The following RELL1 variants were observed in gnomAD, a reference collection of about 807,000 sequenced individuals.
RELL1 encodes the protein RELT like 1.
RELL1 carries 10 observed loss-of-function variants against 23.0 expected under a neutral mutation model. The observed-to-expected ratio is 0.43, with a 90% CI of 0.27 to 0.74. The LOEUF (loss-of-function observed/expected upper bound fraction) is 0.74, where lower values mean the gene tolerates loss of function less well. Ranked by LOEUF, RELL1 falls within the 30% of genes least tolerant of loss-of-function variation. The pLI is 0.19. For synonymous variants in RELL1, 146 were observed against 146.8 expected (o/e 0.99, Z 0.04); for missense variants, 315 against 364.4 (o/e 0.86, Z 1.10).
In RELL1 at chr4:37,612,517, T is replaced by C. The variant is rs993260738; in HGVS notation, c.*829A>G. 2.0e-5 allele frequency among the ~76,000 whole-genome samples: 3 copies of C among 150,938 alleles called. No homozygotes were observed. Among genetic ancestry groups the C allele is most frequent in the African/African-American group, 4.9e-5 (2 of 40,958 alleles). On this transcript the variant is annotated 3_prime_UTR_variant, in exon 7 of 7. Transcript: ENST00000454158. The stretch of plus-strand genomic sequence containing the variant: ...CGAGCGTGGTGGTGCATGCCTGTAA[T>C]CCCAGCTACTTGGGAGGCTGAGGCA...
rs190953168 is a variant in RELL1, at chr4:37,668,785, G to A, written c.88+17415C>T. Among the ~76,000 whole-genome samples, 17 of 132,842 alleles carry A rather than the reference G, an allele frequency of 1.3e-4. No homozygotes were observed. In the East Asian group the frequency reaches 1.6e-3, roughly 12 times the overall value. 87.1% of individuals were successfully genotyped at this position (132,842 alleles called of 152,430 possible). ...TAGGAAGTGAGGAGCGCCTCTTCCC[G>A]GCCGCCACCCCATCTAGGAAGTGAG... On this transcript the variant is annotated intron_variant, in intron 1 of 6. Coordinates refer to ENST00000454158, the MANE Select transcript of RELL1 (RefSeq NM_001085400.2).
chr4:37,682,407 G>C (rs905118069), intron 1 of RELL1, among the ~76,000 whole-genome samples: 11 of 152,074 alleles, frequency 7.2e-5, no homozygotes, highest in Non-Finnish European at 1.5e-4. Flanking sequence ...TATTCTTTTT[G>C]TCAGCTTTAA....
At chr4:37,683,107 T>G (rs1722277264) in intron 1 of RELL1, among the ~76,000 whole-genome samples, 1 of 152,258 alleles carries the variant, frequency 6.6e-6, no homozygotes, top group Non-Finnish European at 1.5e-5. Context: ...CTATCTGCCC[T>G]TCTTTTCTCT....
chr4:37,679,676 TG>T (rs1722138529), intron 1 of RELL1, among the ~76,000 whole-genome samples: 1 of 152,128 alleles, frequency 6.6e-6, no homozygotes, highest in African/African-American at 2.4e-5. Flanking sequence ...CACATTAGGC[TG>T]GGTGTGGTGG....
chr4:37,685,862 G>A (rs1722386678), intron 1 of RELL1, among the ~76,000 whole-genome samples: 1 of 152,262 alleles, frequency 6.6e-6, no homozygotes, highest in Admixed American at 6.5e-5. Context: ...AAACGGGTCC[G>A]CGGGGTTCCG....
intron 6 of RELL1, among the ~76,000 whole-genome samples, chr4:37,618,327 C>A (rs1041561163): frequency 2.0e-5 from 3 of 152,030 alleles, no homozygotes; most frequent in African/African-American, 7.3e-5. Flanking sequence ...GGAGTTCAAG[C>A]TACCACTTTA....
At chr4:37,627,500 A>C (rs1719991768) in intron 6 of RELL1, among the ~76,000 whole-genome samples, 1 of 152,232 alleles carries the variant, frequency 6.6e-6, no homozygotes, top group Non-Finnish European at 1.5e-5. Flanking sequence ...GCAAGAGGGC[A>C]AGTTAGATGT....
At position 37,603,934 on chromosome 4, in the gene RELL1, T is replaced by G. The variant is rs541979185; in HGVS notation, c.*4-12717A>C. Among the ~76,000 whole-genome samples the G allele has an allele frequency of 1.1e-3, 164 of 152,334 alleles. 3 individuals carry two copies. Among genetic ancestry groups the G allele is most frequent in the African/African-American group, 3.4e-3 (141 of 41,588 alleles). On this transcript the variant is annotated intron_variant, in intron 6 of 6. Coordinates refer to the RELL1 transcript ENST00000314117. ...CGCAGGCTTAAGCAATCCTCCCATC[T>G]GAGCCTCCCAAGTAGCTGGGACTGC...
At chr4:37,660,974 T>A (rs370961413) in intron 1 of RELL1, among the ~76,000 whole-genome samples, 7 of 150,726 alleles carry the variant, frequency 4.6e-5, no homozygotes, top group Admixed American at 4.0e-4. Flanking sequence ...GAGCTTGCAG[T>A]GAGCCGAGAC....
At chr4:37,662,150 A>C (rs1721378798) in intron 1 of RELL1, among the ~76,000 whole-genome samples, 1 of 152,214 alleles carries the variant, frequency 6.6e-6, no homozygotes, top group African/African-American at 2.4e-5. Context: ...AAGCTCAGAC[A>C]ACTTCCCCAA....
At chr4:37,671,055 C>T (rs1296206120) in intron 1 of RELL1, among the ~76,000 whole-genome samples, 9 of 152,188 alleles carry the variant, frequency 5.9e-5, no homozygotes, top group African/African-American at 2.2e-4. Context: ...GGGTGTCCCA[C>T]AATTCAATTA....
In RELL1 at chr4:37,643,630, T is replaced by C. The variant is rs76559882; in HGVS notation, c.385+3738A>G. 5.6e-3 allele frequency among the ~76,000 whole-genome samples: 857 copies of C among 152,340 alleles called. 12 individuals are homozygous for C. Among genetic ancestry groups the C allele is most frequent in the African/African-American group, 0.02 (828 of 41,568 alleles). Reference sequence around the variant, plus strand: ...AACTAGAAAGCAAAATTTATATTAATTCCAATTTATCAAAGACAGAAAATA... The same window carrying C: ...AACTAGAAAGCAAAATTTATATTAACTCCAATTTATCAAAGACAGAAAATA... On this transcript the variant is annotated intron_variant, in intron 3 of 6. Transcript: ENST00000454158.
At position 37,637,655 on chromosome 4, in the gene RELL1, C is replaced by T. The variant is rs186756492; in HGVS notation, c.443+792G>A. Among the ~76,000 whole-genome samples, 10 of 152,342 alleles carry T rather than the reference C, an allele frequency of 6.6e-5. No individual in the cohort carries two copies. In the East Asian group the frequency reaches 1.7e-3, roughly 26 times the overall value. On this transcript the variant is annotated intron_variant, in intron 4 of 6. Coordinates refer to ENST00000454158, the MANE Select transcript of RELL1 (RefSeq NM_001085400.2). ...CCATGAGGCCTCACACACACATCTC[C>T]AATCCTGTGTTCCTCCATGGCAAGG...
chr4:37,610,114 A>G (rs1719329005), downstream of RELL1, among the ~76,000 whole-genome samples: 1 of 152,200 alleles, frequency 6.6e-6, no homozygotes, highest in Non-Finnish European at 1.5e-5. This position sits in a 1 kb window ranked among gnomAD's most constrained non-coding sequence, Gnocchi z 4.1. Flanking sequence ...TGTTATTTTA[A>G]GAAATTGCCA....
chr4:37,686,176 C>A (rs1324440813), intron 1 of RELL1, 24 bp downstream of exon 1: 2 of 1,557,364 alleles, frequency 1.3e-6, no homozygotes, highest in Non-Finnish European at 1.7e-6. Flanking sequence ...GCACCCGGCG[C>A]CCCGGCTACG....
At chr4:37,643,257 GA>G (rs774177268) in intron 3 of RELL1, among the ~76,000 whole-genome samples, 2 of 151,826 alleles carry the variant, frequency 1.3e-5, no homozygotes, top group Non-Finnish European at 2.9e-5. Context: ...TGTGAGGATG[GA>G]GACAACCAAA....
At chr4:37,617,705 C>G (rs1240922299) in intron 6 of RELL1, among the ~76,000 whole-genome samples, 1 of 152,202 alleles carries the variant, frequency 6.6e-6, no homozygotes, top group Admixed American at 6.5e-5. Context: ...ATCGCTTGAA[C>G]CTGGGAAGCA....
At chr4:37,657,597 T>G (rs1309410858) in intron 1 of RELL1, among the ~76,000 whole-genome samples, 2 of 152,044 alleles carry the variant, frequency 1.3e-5, no homozygotes, top group African/African-American at 4.8e-5. Flanking sequence ...TCCTTTATAG[T>G]GGGTGGAAGA....
At chr4:37,664,428 A>G (rs1316034011) in intron 1 of RELL1, among the ~76,000 whole-genome samples, 1 of 152,104 alleles carries the variant, frequency 6.6e-6, no homozygotes, top group African/African-American at 2.4e-5. Context: ...TATAACTATC[A>G]TAAAGGTAAA....
Sources: gnomAD v4.1 joint callset for allele counts (sites outside exome capture counted in the v4.1 genomes callset) on GRCh38, gnomAD v4.1.1 for gene constraint, Gnocchi (gnomAD v3.1) non-coding constraint, MANE v1.5 for transcripts, NCBI Gene and HGNC (gene_info 2026-07-23, HGNC 2026-07-21) for gene names.